UBR2: variants seen among roughly 807,000 people sequenced by gnomAD.
The protein encoded by UBR2 is E3 ubiquitin-protein ligase UBR2.
UBR2 carries 92 observed loss-of-function variants against 247.9 expected under a neutral mutation model. The ratio of observed to expected loss-of-function variants is 0.37; its 90% confidence interval spans 0.31 to 0.44. The LOEUF (loss-of-function observed/expected upper bound fraction) is 0.44. Ranked by LOEUF, UBR2 falls within the 20% of genes least tolerant of loss-of-function variation. The pLI, the probability that UBR2 is intolerant of heterozygous loss-of-function variation, is 1.00. For missense variants in UBR2, 1,613 were observed against 2,112.6 expected, an observed-to-expected ratio of 0.76 and a Z score of 4.64; for synonymous variants, 672 against 693.5, an observed-to-expected ratio of 0.97 and a Z score of 0.49.
At position 42,689,784 on chromosome 6, in the gene UBR2, G is replaced by C; in HGVS notation, c.5126+114G>C. 1.1e-6 allele frequency: 1 copy of C among 932,908 alleles called. No homozygotes were observed. The highest frequency in any genetic ancestry group is 1.7e-6 in the Non-Finnish European group (1 of 582,842). The allele number at this position is 932,908 out of a possible 1,614,324, so 57.8% of individuals were successfully genotyped here. On this transcript the variant is annotated intron_variant, in intron 46 of 46. Coordinates refer to ENST00000372901, the MANE Select transcript of UBR2 (RefSeq NM_001363705.2). This position sits in a 1 kb window ranked among gnomAD's most constrained non-coding sequence, Gnocchi z 4.0. Reference sequence around the variant, plus strand: ...TCTGGAAGAGGTGGCTGTGTTATCTGTGGAGTCTTCCAAGGAGGGTGCCCT... The same window carrying C: ...TCTGGAAGAGGTGGCTGTGTTATCTCTGGAGTCTTCCAAGGAGGGTGCCCT...
intron 40 of UBR2, among the ~76,000 whole-genome samples, chr6:42,677,814 A>G (rs1708796873): frequency 6.6e-6 from 1 of 152,198 alleles, no homozygotes; most frequent in African/African-American, 2.4e-5. Context: ...ATATTAGCAA[A>G]TAATTGAAAG....
intron 4 of UBR2, among the ~76,000 whole-genome samples, chr6:42,596,188 G>A (rs1792963865): frequency 6.7e-6 from 1 of 148,732 alleles, no homozygotes; most frequent in African/African-American, 2.5e-5. Flanking sequence ...TTTAAAAATG[G>A]GCAAAAGACT....
rs1464002570 is a variant in UBR2 at position 42,676,149 on chromosome 6, A to T, written c.4345A>T (p.Thr1449Ser). Residue 1449 changes from threonine (T) to serine (S), a missense_variant, in exon 39 of 47, where the codon ACT (threonine) becomes TCT (serine). Thr to Ser is a moderately conservative substitution (Grantham distance 58, BLOSUM62 1). Transcript: ENST00000372901. ...AGACCTTCACATTTTCCATCTGGTT[A>T]CTATGGCACACATCATACAGATCTT... ...TGDLHIFHLV[T>S]MAHIIQILLT... 29 of 1,613,650 alleles carry T rather than the reference A, an allele frequency of 1.8e-5. No homozygotes were observed. Among genetic ancestry groups the T allele is most frequent in the Non-Finnish European group, 2.4e-5 (28 of 1,179,962 alleles).
intron 26 of UBR2, among the ~76,000 whole-genome samples, chr6:42,657,342 A>G (rs186412662): frequency 2.0e-5 from 3 of 152,262 alleles, no homozygotes; most frequent in Admixed American, 2.0e-4. Flanking sequence ...GACATTCTAC[A>G]TAATTAAGAC....
intron 39 of UBR2, among the ~76,000 whole-genome samples, chr6:42,676,442 A>G (rs1798726456): frequency 6.6e-6 from 1 of 152,244 alleles, no homozygotes; most frequent in Non-Finnish European, 1.5e-5. Context: ...TAAATCTTTT[A>G]GAATCTTATG....
intron 11 of UBR2, chr6:42,619,433 ATATATATATATATATATATATTT>A: frequency 2.6e-4 from 5 of 19,538 alleles, no homozygotes; most frequent in Non-Finnish European, 4.8e-4. Flanking sequence ...ATATATATAT[ATATATATATATATATATATATTT>A]TTTTTTTTTA....
At chr6:42,636,156 C>A (rs1284091743) in intron 14 of UBR2, among the ~76,000 whole-genome samples, 6 of 148,892 alleles carry the variant, frequency 4.0e-5, no homozygotes, top group African/African-American at 7.4e-5. Context: ...TTTTTCGGGG[C>A]CTTGGCCATG....
At chr6:42,666,294 T>C in intron 34 of UBR2, 49 bp downstream of exon 34, 2 of 1,483,890 alleles carry the variant, frequency 1.3e-6, no homozygotes, top group East Asian at 2.3e-5. Context: ...TTGAAATGAA[T>C]GATTAAGTCA....
intron 2 of UBR2, among the ~76,000 whole-genome samples, chr6:42,581,328 T>C (rs979883111): frequency 1.3e-5 from 2 of 152,178 alleles, no homozygotes; most frequent in African/African-American, 4.8e-5. Context: ...TAGCTGGGAT[T>C]ACAGGCACGC....
At position 42,673,805 on chromosome 6, in the gene UBR2, G is replaced by C; in HGVS notation, c.4101G>C (p.Arg1367Ser). 1 of 1,613,616 alleles carries C rather than the reference G, an allele frequency of 6.2e-7. No homozygotes were observed. Among genetic ancestry groups the C allele is most frequent in the South Asian group, 1.1e-5 (1 of 90,992 alleles). Residue 1367 changes from arginine (R) to serine (S), a missense_variant, in exon 37 of 47, where the codon AGG becomes AGC. Physicochemically the swap from Arg to Ser is moderately radical, Grantham distance 110. Around this residue, in one of 3 missense-constraint regions of UBR2, gnomAD observed 1,524 missense variants for 1,967.3 expected, o/e 0.77. Transcript: ENST00000372901. ...GTTTATTTTAGGATGACTGTCTTAG[G>C]TCATTGACGAGATTTGCCGCAGCAC... ...PLPCRLDDCLRSLTRFAAAHW... is the reference protein window; with the variant it reads ...PLPCRLDDCLSSLTRFAAAHW...
At chr6:42,638,838 ACT>A (rs1796265187) in intron 15 of UBR2, among the ~76,000 whole-genome samples, 2 of 150,380 alleles carry the variant, frequency 1.3e-5, no homozygotes, top group South Asian at 4.2e-4. Flanking sequence ...TCAGAGTGAG[ACT>A]CTGTCTCAAA....
rs1229112713 is a variant in UBR2, at chr6:42,674,191, T to C, written c.4249T>C (p.Leu1417=). The change falls in exon 38 of 47, where the codon TTG becomes CTG. Residue 1417 remains leucine, a splice_region_variant and synonymous_variant. Transcript: ENST00000372901. Reference sequence around the variant, plus strand: ...ATTAGATATTGACATGTTTCATTTATTGGTGGGTATTGTGCAGTTTGTTTG... The same window carrying C: ...ATTAGATATTGACATGTTTCATTTACTGGTGGGTATTGTGCAGTTTGTTTG... ...CILDIDMFHL[L]VGLVLAFPAL... is the part of the protein sequence containing the mutation. The C allele has an allele frequency of 1.9e-6, 3 of 1,613,678 alleles. No homozygotes were observed. The South Asian group carries it at 3.3e-5, about 18-fold the overall frequency.
intron 21 of UBR2, among the ~76,000 whole-genome samples, chr6:42,647,595 CAAAAAAA>C (rs1282896583): frequency 6.6e-6 from 1 of 151,556 alleles, no homozygotes; most frequent in East Asian, 1.9e-4. Flanking sequence ...GACTCTGTCT[CAAAAAAA>C]TAAAAAATAA....
At chr6:42,690,901 C>T in intron 46 of UBR2, 131 bp from the exon 47 acceptor site, 2 of 1,168,998 alleles carry the variant, frequency 1.7e-6, no homozygotes, top group Non-Finnish European at 2.4e-6. Flanking sequence ...GCCACAGTCA[C>T]CTGCCAGACA....
chr6:42,666,134 T>C (rs1229591853), intron 33 of UBR2, 33 bp from the exon 34 acceptor site: 6 of 1,555,222 alleles, frequency 3.9e-6, no homozygotes, highest in Non-Finnish European at 5.3e-6. Flanking sequence ...TTGTCATCTA[T>C]TGAATAATAG....
At chr6:42,592,038 C>A (rs985385365) in intron 2 of UBR2, 113 bp from the exon 3 acceptor site, 1 of 1,029,992 alleles carries the variant, frequency 9.7e-7, no homozygotes, top group Middle Eastern at 3.1e-4. Context: ...TTTTAAAACA[C>A]CAAAAAACTT....
chr6:42,679,626 C>CT, intron 41 of UBR2, 98 bp from the exon 42 acceptor site: 1 of 889,104 alleles, frequency 1.1e-6, no homozygotes, highest in Non-Finnish European at 1.8e-6. Flanking sequence ...AATTGGAAGT[C>CT]TTTCATCCTT....
chr6:42,592,112 A>G (rs1792701944), intron 2 of UBR2, 39 bp from the exon 3 acceptor site: 1 of 1,540,646 alleles, frequency 6.5e-7, no homozygotes, highest in Admixed American at 1.8e-5. Flanking sequence ...ATATATAGTT[A>G]TTTTCTGACA....
intron 11 of UBR2, among the ~76,000 whole-genome samples, chr6:42,623,235 T>G (rs1795114014): frequency 6.6e-6 from 1 of 152,124 alleles, no homozygotes; most frequent in Non-Finnish European, 1.5e-5. Flanking sequence ...GCTTGGTTTT[T>G]GTTTGATTGT....
Sources: allele counts gnomAD v4.1 joint callset (sites outside exome capture counted in the v4.1 genomes callset), GRCh38; gene constraint gnomAD v4.1.1; regional missense constraint gnomAD v4.1.1; non-coding constraint Gnocchi (gnomAD v3.1); transcripts MANE v1.5; gene names NCBI Gene and HGNC (gene_info 2026-07-23, HGNC 2026-07-21).